The following KAZN variants were observed in gnomAD, a reference collection of about 807,000 sequenced individuals.
The protein encoded by KAZN is kazrin.
KAZN carries 40 observed loss-of-function variants against 87.4 expected under a neutral mutation model. The observed-to-expected ratio is 0.46, with a 90% CI of 0.36 to 0.60. The LOEUF (loss-of-function observed/expected upper bound fraction) is 0.60. Ranked by LOEUF, KAZN falls within the 20% of genes least tolerant of loss-of-function variation. The pLI, the probability that KAZN is intolerant of heterozygous loss-of-function variation, is 0.00. For missense variants in KAZN, 898 were observed against 1,073.9 expected (o/e 0.84, Z 2.29); for synonymous variants, 466 against 458.3 (o/e 1.02, Z -0.22).
At chr1:14,348,051 AT>A (rs70997137) in intron 2 of KAZN, among the ~76,000 whole-genome samples, 13 of 117,870 alleles carry the variant, frequency 1.1e-4, no homozygotes, top group East Asian at 7.5e-4. Context: ...CACCTGGCTA[AT>A]TTTTTTTTTT....
chr1:14,295,959 A>T (rs879305572), intron 2 of KAZN, among the ~76,000 whole-genome samples: 9 of 152,066 alleles, frequency 5.9e-5, no homozygotes, highest in Non-Finnish European at 1.3e-4. Flanking sequence ...CCCAGTTTGG[A>T]ATTCTGACCT....
At chr1:14,757,955 C>T (rs1644615585) in intron 1 of KAZN, among the ~76,000 whole-genome samples, 1 of 152,166 alleles carries the variant, frequency 6.6e-6, no homozygotes, top group African/African-American at 2.4e-5. Context: ...GACCCCATTG[C>T]ATTGACTGGG....
At chr1:14,220,291 C>T (rs1647066358) in intron 2 of KAZN, among the ~76,000 whole-genome samples, 1 of 152,118 alleles carries the variant, frequency 6.6e-6, no homozygotes, top group Non-Finnish European at 1.5e-5. Context: ...ATTGATATGC[C>T]CAAAATTGGA....
intron 2 of KAZN, among the ~76,000 whole-genome samples, chr1:14,431,239 G>T (rs766326020): frequency 2.6e-5 from 4 of 152,142 alleles, no homozygotes; most frequent in African/African-American, 4.8e-5. Flanking sequence ...CATAGTGCTC[G>T]ACAATTTCTC....
chr1:14,925,091 T>C (rs1324923020), intron 1 of KAZN, among the ~76,000 whole-genome samples: 1 of 152,210 alleles, frequency 6.6e-6, no homozygotes, highest in East Asian at 1.9e-4. Context: ...GAAAGAGAAA[T>C]TGCAGAGGTG....
intron 1 of KAZN, among the ~76,000 whole-genome samples, chr1:14,844,989 A>T (rs968572599): frequency 6.6e-6 from 1 of 151,310 alleles, no homozygotes; most frequent in African/African-American, 2.4e-5. Context: ...GGATGGATGG[A>T]TGAATGAATA....
At chr1:14,284,828 G>A (rs568634651) in intron 2 of KAZN, among the ~76,000 whole-genome samples, 6 of 152,184 alleles carry the variant, frequency 3.9e-5, no homozygotes, top group African/African-American at 9.7e-5. Flanking sequence ...ATTGAGAAAC[G>A]AAGTGGCTTC....
At chr1:14,869,054 T>C (rs1651858601) in intron 1 of KAZN, among the ~76,000 whole-genome samples, 1 of 152,166 alleles carries the variant, frequency 6.6e-6, no homozygotes, top group African/African-American at 2.4e-5. Flanking sequence ...TCCCCTTCTC[T>C]AGTTCCTGCT....
chr1:14,386,955 C>T (rs1015716730), intron 2 of KAZN, among the ~76,000 whole-genome samples: 3 of 152,314 alleles, frequency 2.0e-5, no homozygotes, highest in African/African-American at 4.8e-5. Flanking sequence ...GTACACCAGT[C>T]AGACATAGAT....
chr1:14,517,416 G>T (rs953831880), intron 2 of KAZN, among the ~76,000 whole-genome samples: 4 of 152,134 alleles, frequency 2.6e-5, no homozygotes, highest in African/African-American at 9.7e-5. Context: ...CACACCCGAA[G>T]CTAAATCTGC....
chr1:14,879,610 G>A (rs112821105), intron 1 of KAZN, among the ~76,000 whole-genome samples: 3 of 152,122 alleles, frequency 2.0e-5, no homozygotes, highest in Admixed American at 6.5e-5. Flanking sequence ...GAATAGACTC[G>A]TTGGCTCAGA....
At position 14,642,236 on chromosome 1, in the gene KAZN, A is replaced by G. The variant is rs535513833; in HGVS notation, c.226+43013A>G. On this transcript the variant is annotated intron_variant, in intron 1 of 14. Transcript: ENST00000376030. ...AACACGGTGAAACCCCGTCTCTACTAAAAATACAAAAAAATTAGCCAGGCG... is the reference window on the plus strand; with the variant it reads ...AACACGGTGAAACCCCGTCTCTACTGAAAATACAAAAAAATTAGCCAGGCG... Among the ~76,000 whole-genome samples, 46 of 152,268 alleles carry G rather than the reference A, an allele frequency of 3.0e-4. 1 individual carries two copies. The South Asian group carries it at 8.3e-3, about 27-fold the overall frequency.
chr1:14,158,862 G>A (rs149231400), intron 1 of KAZN, among the ~76,000 whole-genome samples: 10 of 152,302 alleles, frequency 6.6e-5, no homozygotes, highest in African/African-American at 1.9e-4. Flanking sequence ...GACTCATAGA[G>A]GTACTGCCTT....
intron 2 of KAZN, among the ~76,000 whole-genome samples, chr1:14,367,643 G>C (rs1212030740): frequency 1.3e-5 from 2 of 152,278 alleles, no homozygotes; most frequent in South Asian, 2.1e-4. Flanking sequence ...GGCTGAATCA[G>C]TAACCATGTC....
chr1:14,599,544 C>G lies in KAZN; in HGVS notation c.226+321C>G, dbSNP rs142576056. On this transcript the variant is annotated intron_variant, in intron 1 of 14. Transcript: ENST00000376030. The surrounding 1 kb of genome is among the most constrained non-coding windows in gnomAD (Gnocchi z 4.4). ...GTGGCACCAGCCCCCTAGCTCCGTG[C>G]AAACTTTTCATGCCGGGGCCTTTTC... Among the ~76,000 whole-genome samples the G allele has an allele frequency of 5.1e-3, 770 of 152,272 alleles. 12 individuals carry two copies. Among genetic ancestry groups the G allele is most frequent in the African/African-American group, 0.018 (739 of 41,564 alleles).
At chr1:14,979,028 C>T (rs1301399452) in intron 2 of KAZN, among the ~76,000 whole-genome samples, 1 of 151,888 alleles carries the variant, frequency 6.6e-6, no homozygotes, top group African/African-American at 2.4e-5. Flanking sequence ...CCTCAGCCTC[C>T]TGAGCAGCTG....
intron 2 of KAZN, among the ~76,000 whole-genome samples, chr1:14,415,729 G>GT (rs1419149801): frequency 6.6e-6 from 1 of 152,170 alleles, no homozygotes; most frequent in Non-Finnish European, 1.5e-5. Context: ...AGGTGTAGTA[G>GT]TAAGTAGGAC....
chr1:15,058,908 G>A (rs1276978942), intron 5 of KAZN, among the ~76,000 whole-genome samples: 1 of 151,994 alleles, frequency 6.6e-6, no homozygotes, highest in Non-Finnish European at 1.5e-5. Flanking sequence ...TGTAATCCCA[G>A]CTACTCGGGA....
chr1:13,930,920 A>T (rs1265730987), intron 1 of KAZN, among the ~76,000 whole-genome samples: 1 of 152,194 alleles, frequency 6.6e-6, no homozygotes, highest in Non-Finnish European at 1.5e-5. Context: ...GCCTGTCAAG[A>T]TAATGCCCAC....
Sources: gnomAD v4.1 joint callset for allele counts (sites outside exome capture counted in the v4.1 genomes callset) on GRCh38, gnomAD v4.1.1 for gene constraint, Gnocchi (gnomAD v3.1) non-coding constraint, MANE v1.5 for transcripts, NCBI Gene and HGNC (gene_info 2026-07-23, HGNC 2026-07-21) for gene names.